PACRGL: variants seen among roughly 807,000 people sequenced by gnomAD.
PACRGL encodes the protein PACRG-like protein.
Under a neutral mutation model 34.5 loss-of-function variants are expected in PACRGL, and 38 were observed. The observed-to-expected ratio is 1.10, with a 90% confidence interval of 0.85 to 1.44. The LOEUF (loss-of-function observed/expected upper bound fraction) is 1.44, where lower values mean the gene tolerates loss of function less well. Ranked by LOEUF, PACRGL falls within the 40% of genes most tolerant of loss-of-function variation. The pLI, the probability that PACRGL is intolerant of heterozygous loss-of-function variation, is 0.00. For synonymous variants in PACRGL, 128 were observed against 100.1 expected, an observed-to-expected ratio of 1.28 and a Z score of -1.66; for missense variants, 305 against 281.4, an observed-to-expected ratio of 1.08 and a Z score of -0.60.
rs930271830 is a variant in PACRGL at position 20,727,589 on chromosome 4, G to A, written c.*248G>A. On this transcript the variant is annotated 3_prime_UTR_variant, in exon 9 of 9. Transcript: ENST00000503585. ...TTTTTTGTATTTTTATTATTTGTGC[G>A]AAGAACCATTATTGAGTTTGCAAGA... 7.5e-5 allele frequency: 27 copies of A among 361,632 alleles called. No individual in the cohort carries two copies. Among genetic ancestry groups the A allele is most frequent in the Admixed American group, 2.5e-4 (6 of 23,926 alleles). 22.4% of individuals were successfully genotyped at this position (361,632 alleles called of 1,614,324 possible). A position where few individuals can be genotyped will look rare whatever the true frequency, so the allele number is the denominator to read the frequency against.
At position 20,727,388 on chromosome 4, in the gene PACRGL, A is replaced by G. The variant is rs760338949; in HGVS notation, c.*47A>G. On this transcript the variant is annotated 3_prime_UTR_variant, in exon 9 of 9. Coordinates refer to ENST00000503585, the MANE Select transcript of PACRGL (RefSeq NM_001258345.3). ...GTTTTTTCTACCTGTTGACGTGTCAAGCACTAACTGTGGGTACTCATTTAT... is the reference window on the plus strand; with the variant it reads ...GTTTTTTCTACCTGTTGACGTGTCAGGCACTAACTGTGGGTACTCATTTAT... 3.5e-6 allele frequency: 5 copies of G among 1,441,136 alleles called. No individual in the cohort carries two copies. The highest frequency in any genetic ancestry group is 1.4e-5 in the African/African-American group (1 of 71,326). The allele number at this position is 1,441,136 out of a possible 1,614,324, so 89.3% of individuals were successfully genotyped here.
chr4:20,743,355 CCTGACTTCAAA>C (rs1230503935), intron 8 of PACRGL, among the ~76,000 whole-genome samples: 2 of 152,170 alleles, frequency 1.3e-5, no homozygotes, highest in Non-Finnish European at 2.9e-5. Flanking sequence ...CATCATGCTG[CCTGACTTCAAA>C]CTATACTACA....
chr4:20,714,422 A>G (rs1738810275), intron 7 of PACRGL, among the ~76,000 whole-genome samples: 1 of 152,162 alleles, frequency 6.6e-6, no homozygotes, highest in African/African-American at 2.4e-5. Flanking sequence ...TCCTGAATAC[A>G]GCACACTGAT....
chr4:20,709,276 A>G (rs1411504705), intron 4 of PACRGL, among the ~76,000 whole-genome samples: 1 of 152,204 alleles, frequency 6.6e-6, no homozygotes, highest in Non-Finnish European at 1.5e-5. Flanking sequence ...CCTTCAGGTT[A>G]TTAGTGTTAG....
At chr4:20,710,282 T>A (rs16869886) in intron 5 of PACRGL, among the ~76,000 whole-genome samples, 49,522 of 151,666 alleles carry the variant, frequency 0.33, 8,532 homozygotes, top group African/African-American at 0.43. Flanking sequence ...TAGACTATTT[T>A]AAAAAAAACT....
chr4:20,712,996 T>C (rs1738022904), intron 6 of PACRGL, 74 bp downstream of exon 6: 1 of 1,352,442 alleles, frequency 7.4e-7, no homozygotes, highest in South Asian at 1.9e-5. Context: ...ATTTAGAATA[T>C]TGTATGCCTT....
intron 8 of PACRGL, among the ~76,000 whole-genome samples, chr4:20,743,960 A>G (rs1300369525): frequency 6.6e-6 from 1 of 152,226 alleles, no homozygotes; most frequent in Non-Finnish European, 1.5e-5. Flanking sequence ...AAGGATATGA[A>G]CAGACTCTTC....
At position 20,731,567 on chromosome 4, in the gene PACRGL, C is replaced by T. The variant is rs1228712526; in HGVS notation, c.*4226C>T. The T allele has an allele frequency of 1.0e-6, 1 of 985,252 alleles. No homozygotes were observed. The highest frequency in any genetic ancestry group is 1.2e-6 in the Non-Finnish European group (1 of 829,912). 61.0% of individuals were successfully genotyped at this position (985,252 alleles called of 1,614,324 possible). Reference sequence around the variant, plus strand: ...CATTTCTTGTCCACATACACTAAAACAATGACTTTTCTCTTAGAAATCAGA... The same window carrying T: ...CATTTCTTGTCCACATACACTAAAATAATGACTTTTCTCTTAGAAATCAGA... On this transcript the variant is annotated 3_prime_UTR_variant, in exon 9 of 9. Coordinates refer to ENST00000503585, the MANE Select transcript of PACRGL (RefSeq NM_001258345.3).
the PACRGL span, among the ~76,000 whole-genome samples, chr4:20,763,795 A>G: frequency 6.6e-6 from 1 of 152,144 alleles, no homozygotes; most frequent in African/African-American, 2.4e-5. Flanking sequence ...TCCCTGCCAC[A>G]AGCAATCCTG....
chr4:20,747,493 T>C (rs776376556), intron 8 of PACRGL, among the ~76,000 whole-genome samples: 1 of 152,146 alleles, frequency 6.6e-6, no homozygotes, highest in Non-Finnish European at 1.5e-5. Flanking sequence ...TGACCTAAGC[T>C]GCCATTAGCA....
At chr4:20,738,379 CA>C (rs1166481828) in intron 8 of PACRGL, among the ~76,000 whole-genome samples, 1 of 152,152 alleles carries the variant, frequency 6.6e-6, no homozygotes, top group African/African-American at 2.4e-5. Flanking sequence ...ATGTGCAACA[CA>C]GTCACCTGGG....
chr4:20,729,075 G>GTTTGTTC lies in PACRGL; in HGVS notation c.*1737_*1743dup, dbSNP rs1747000216. On this transcript the variant is annotated 3_prime_UTR_variant, in exon 9 of 9. Transcript: ENST00000503585. ...ATTTTGCTTGCTAATTTTGCTTGCTGTTTGTTCTTAGTAGACAGTGGGGTA... is the reference window on the plus strand; with the variant it reads ...ATTTTGCTTGCTAATTTTGCTTGCTGTTTGTTCTTTGTTCTTAGTAGACAGTGGGGTA... 1 of 151,026 alleles carries GTTTGTTC rather than the reference G, an allele frequency of 6.6e-6. No individual in the cohort carries two copies. Among genetic ancestry groups the GTTTGTTC allele is most frequent in the Non-Finnish European group, 1.5e-5 (1 of 67,772 alleles). 9.4% of individuals were successfully genotyped at this position (151,026 alleles called of 1,614,324 possible).
chr4:20,731,314 T>C lies in PACRGL; in HGVS notation c.*3973T>C, dbSNP rs539149640. ...GACTCAAAATCCTGGCCTTAAGTTA[T>C]CTTCCCGCCTCAGCCTCCCATAGTG... On this transcript the variant is annotated 3_prime_UTR_variant, in exon 9 of 9. Transcript: ENST00000503585. 2 of 845,010 alleles carry C rather than the reference T, an allele frequency of 2.4e-6. No homozygotes were observed. The highest frequency in any genetic ancestry group is 1.1e-4 in the South Asian group (2 of 18,544). The allele number at this position is 845,010 out of a possible 1,614,324, so 52.3% of individuals were successfully genotyped here. A position where few individuals can be genotyped will look rare whatever the true frequency, so the allele number is the denominator to read the frequency against.
At chr4:20,761,151 A>G in the PACRGL span, among the ~76,000 whole-genome samples, 3,515 of 152,202 alleles carry the variant, frequency 0.023, 44 homozygotes, top group Non-Finnish European at 0.028. Context: ...CATCTGTAAT[A>G]TTGGCTTCCC....
rs1747384983 is a variant in PACRGL, at chr4:20,729,625, G to GCA, written c.*2284_*2285insCA. The GCA allele has an allele frequency of 7.5e-6, 1 of 133,264 alleles. No homozygotes were observed. Among genetic ancestry groups the GCA allele is most frequent in the Admixed American group, 7.3e-5 (1 of 13,612 alleles). 8.3% of individuals were successfully genotyped at this position (133,264 alleles called of 1,614,324 possible). A position where few individuals can be genotyped will look rare whatever the true frequency, so the allele number is the denominator to read the frequency against. On this transcript the variant is annotated 3_prime_UTR_variant, in exon 9 of 9. Transcript: ENST00000503585. The stretch of plus-strand genomic sequence containing the variant: ...TAAAGTATATAAATGGAATTTAAAT[G>GCA]GAATTACAGCATTCAAACATGAAAA...
At chr4:20,724,740 A>T in intron 7 of PACRGL, 68 bp from the exon 8 acceptor site, 1 of 827,326 alleles carries the variant, frequency 1.2e-6, no homozygotes, top group Non-Finnish European at 1.7e-6. Flanking sequence ...CTGAAGATTT[A>T]CTTATGCGTA....
downstream of PACRGL, among the ~76,000 whole-genome samples, chr4:20,737,079 G>A (rs1033877173): frequency 3.3e-5 from 5 of 152,184 alleles, no homozygotes; most frequent in African/African-American, 1.2e-4. Context: ...AATATATGGT[G>A]CTGTGGCAAC....
At position 20,747,135 on chromosome 4, in the gene PACRGL, T is replaced by C. The variant is rs180819018; in HGVS notation, c.*57-5430T>C. On this transcript the variant is annotated intron_variant, in intron 8 of 8. Transcript: ENST00000507634. ...AATTATAATCAACGTTCATTGCAATTACTGGTATTTTACATAAATATTATA... is the reference window on the plus strand; with the variant it reads ...AATTATAATCAACGTTCATTGCAATCACTGGTATTTTACATAAATATTATA... Among the ~76,000 whole-genome samples the C allele has an allele frequency of 1.3e-4, 20 of 152,296 alleles. No homozygotes were observed. In the East Asian group the frequency reaches 3.7e-3, roughly 28 times the overall value.
chr4:20,723,009 C>G (rs1744070238), intron 7 of PACRGL, among the ~76,000 whole-genome samples: 1 of 152,106 alleles, frequency 6.6e-6, no homozygotes, highest in Admixed American at 6.5e-5. Context: ...ACTACCTGTT[C>G]CAATACACCC....
Sources: gnomAD v4.1 joint callset for allele counts (sites outside exome capture counted in the v4.1 genomes callset) on GRCh38, gnomAD v4.1.1 for gene constraint, MANE v1.5 for transcripts, NCBI Gene and HGNC (gene_info 2026-07-23, HGNC 2026-07-21) for gene names.